Variants in DDAH1 observed in about 807,000 individuals in gnomAD.
The protein encoded by DDAH1 is dimethylarginine dimethylaminohydrolase 1, also known as N(G),N(G)-dimethylarginine dimethylaminohydrolase 1.
In DDAH1, 19 loss-of-function variants were observed where a neutral mutation model predicts 28.8. The observed-to-expected ratio is 0.66, with a 90% CI of 0.46 to 0.97. The LOEUF is 0.97. Among genes scored for constraint, DDAH1 ranks in the 50% least tolerant of loss-of-function variants. The probability of loss-of-function intolerance (pLI) is 0.00; values close to 1 mark genes in which losing one functional copy is unlikely to be tolerated. For synonymous variants in DDAH1, 153 were observed against 154.4 expected, an observed-to-expected ratio of 0.99 and a Z score of 0.07; for missense variants, 326 against 375.9, an observed-to-expected ratio of 0.87 and a Z score of 1.10.
intron 2 of DDAH1, among the ~76,000 whole-genome samples, chr1:85,355,085 G>T (rs1040988400): frequency 1.3e-5 from 2 of 152,096 alleles, no homozygotes; most frequent in Non-Finnish European, 2.9e-5. Flanking sequence ...AGCTATAGTT[G>T]CTGTGAAGCT....
At chr1:85,421,748 C>T (rs972110254) in intron 1 of DDAH1, among the ~76,000 whole-genome samples, 1 of 152,144 alleles carries the variant, frequency 6.6e-6, no homozygotes, top group Non-Finnish European at 1.5e-5. Flanking sequence ...ATTTAAGATT[C>T]ATCTGTGTCT....
chr1:85,427,336 T>G (rs1653454383), intron 1 of DDAH1, among the ~76,000 whole-genome samples: 1 of 151,730 alleles, frequency 6.6e-6, no homozygotes, highest in Non-Finnish European at 1.5e-5. Context: ...CATTCTGTAC[T>G]ACAGCATGTC....
At chr1:85,434,457 C>T (rs926334869) in intron 1 of DDAH1, among the ~76,000 whole-genome samples, 2 of 151,812 alleles carry the variant, frequency 1.3e-5, no homozygotes, top group African/African-American at 4.8e-5. Flanking sequence ...CTCTCTGTCA[C>T]CCAGGCTGGA....
rs568289061 is a variant in DDAH1, at chr1:85,346,685, T to C, written c.597+3730A>G. 4.9e-4 allele frequency among the ~76,000 whole-genome samples: 75 copies of C among 152,280 alleles called. 1 individual carries two copies. In the Middle Eastern group the frequency reaches 0.01, roughly 21 times the overall value. On this transcript the variant is annotated intron_variant, in intron 4 of 5. Transcript: ENST00000284031. Reference sequence around the variant, plus strand: ...CTTATAAGTGATATATTTGTCTCTATTCATCTGTCTTCCTGCCTGTCTATA... The same window carrying C: ...CTTATAAGTGATATATTTGTCTCTACTCATCTGTCTTCCTGCCTGTCTATA...
At chr1:85,394,056 T>C (rs1445362288) in intron 1 of DDAH1, among the ~76,000 whole-genome samples, 1 of 152,150 alleles carries the variant, frequency 6.6e-6, no homozygotes, top group Non-Finnish European at 1.5e-5. Context: ...AAAAAGTAAG[T>C]GACAAAATAT....
intron 1 of DDAH1, among the ~76,000 whole-genome samples, chr1:85,509,994 C>T (rs567504189): frequency 1.4e-4 from 22 of 152,216 alleles, no homozygotes; most frequent in African/African-American, 5.1e-4. Flanking sequence ...GAAAACACCA[C>T]AAAGATACTC....
intron 4 of DDAH1, among the ~76,000 whole-genome samples, chr1:85,341,093 T>C (rs12063854): frequency 0.011 from 1,677 of 152,366 alleles, 42 homozygotes; most frequent in African/African-American, 0.038. Context: ...TAGCCACTTA[T>C]GTTGTGTTGC....
intron 1 of DDAH1, among the ~76,000 whole-genome samples, chr1:85,418,291 T>G (rs187756910): frequency 6.6e-6 from 1 of 152,212 alleles, no homozygotes; most frequent in African/African-American, 2.4e-5. Context: ...CTCTCTACAA[T>G]GTAACAAGTG....
Position 85,464,878 on chromosome 1 carries a change from G to T in DDAH1, c.168C>A (p.Ser56Arg). 1.3e-6 allele frequency: 2 copies of T among 1,582,736 alleles called. No individual in the cohort carries two copies. The highest frequency in any genetic ancestry group is 8.5e-7 in the Non-Finnish European group (1 of 1,173,580). The change falls in exon 1 of 6, where the codon AGC (serine) becomes AGA (arginine). Residue 56 changes from serine (S) to arginine (R), a missense_variant. Ser to Arg is a moderately radical substitution (Grantham distance 110). Coordinates refer to ENST00000284031, the MANE Select transcript of DDAH1 (RefSeq NM_012137.4). This position sits in a 1 kb window ranked among gnomAD's most constrained non-coding sequence, Gnocchi z 4.4. ...QHQLYVGVLG[S>R]KLGLQVVELP... ...GCTCCACCACCTGCAGCCCCAGCTT[G>T]CTGCCCAGCACGCCCACGTAGAGCT...
chr1:85,525,737 G>A (rs1304153183), intron 1 of DDAH1, among the ~76,000 whole-genome samples: 1 of 152,080 alleles, frequency 6.6e-6, no homozygotes, highest in Non-Finnish European at 1.5e-5. Flanking sequence ...TCACCAATGT[G>A]AACTAGGGGT....
intron 1 of DDAH1, among the ~76,000 whole-genome samples, chr1:85,418,602 C>T (rs1652990070): frequency 6.6e-6 from 1 of 152,194 alleles, no homozygotes; most frequent in Admixed American, 6.5e-5. Context: ...CAGTTAAATG[C>T]TCGTTTGCAG....
rs943444258 is a variant in DDAH1 at position 85,420,089 on chromosome 1, T to TC, written c.303+44653dup. On this transcript the variant is annotated intron_variant, in intron 1 of 5. Coordinates refer to ENST00000284031, the MANE Select transcript of DDAH1 (RefSeq NM_012137.4). ...CCTCTGAGCTATGGCTAGATGGGGT[T>TC]CGACTGGGATGCAGGGAGCAGTGTC... is the stretch of plus-strand genomic sequence containing the variant. Among the ~76,000 whole-genome samples, 11 of 152,210 alleles carry TC rather than the reference T, an allele frequency of 7.2e-5. 1 individual carries two copies. The highest frequency in any genetic ancestry group is 2.6e-4 in the African/African-American group (11 of 41,534).
At chr1:85,528,386 C>A (rs2604085) in intron 1 of DDAH1, among the ~76,000 whole-genome samples, 2 of 152,038 alleles carry the variant, frequency 1.3e-5, no homozygotes, top group African/African-American at 4.8e-5. Context: ...CTTTACCAAG[C>A]CCTTTGCAAA....
chr1:85,442,877 A>AT (rs1245365407), intron 1 of DDAH1, among the ~76,000 whole-genome samples: 1 of 150,930 alleles, frequency 6.6e-6, no homozygotes, highest in African/African-American at 2.4e-5. Context: ...GATGGGGTTG[A>AT]TTTTTTTCTT....
chr1:85,427,076 G>A lies in DDAH1; in HGVS notation c.303+37667C>T, dbSNP rs190470236. 8.2e-3 allele frequency among the ~76,000 whole-genome samples: 1,252 copies of A among 152,186 alleles called. 12 individuals carry two copies. The highest frequency in any genetic ancestry group is 0.012 in the Non-Finnish European group (838 of 68,022). On this transcript the variant is annotated intron_variant, in intron 1 of 5. Transcript: ENST00000284031. ...CAAATAAGTCTCAGAAAAGTTAAGT[G>A]ACTTCCACAGGATCATAGTTAGTGC...
intron 1 of DDAH1, among the ~76,000 whole-genome samples, chr1:85,428,502 C>A (rs568644646): frequency 1.6e-4 from 24 of 152,278 alleles, no homozygotes; most frequent in African/African-American, 5.3e-4. Context: ...TGGTCCCTCC[C>A]ATGGCACGTG....
intron 1 of DDAH1, chr1:85,496,380 A>C: frequency 5.3e-6 from 1 of 188,490 alleles, no homozygotes; most frequent in Non-Finnish European, 9.9e-6. Context: ...AGAGAAGAGA[A>C]TTCATGAAAA....
Position 85,464,559 on chromosome 1 carries a change from T to C in DDAH1, c.303+184A>G. The C allele has an allele frequency of 6.6e-7, 1 of 1,526,586 alleles. No homozygotes were observed. Among genetic ancestry groups the C allele is most frequent in the Non-Finnish European group, 8.7e-7 (1 of 1,142,932 alleles). The allele number at this position is 1,526,586 out of a possible 1,614,324, so 94.6% of individuals were successfully genotyped here. On this transcript the variant is annotated intron_variant, in intron 1 of 5. Coordinates refer to ENST00000284031, the MANE Select transcript of DDAH1 (RefSeq NM_012137.4). The surrounding 1 kb of genome is among the most constrained non-coding windows in gnomAD (Gnocchi z 4.4). ...CAGAAGGCTGCCGGCAGCCGGGAGG[T>C]GTGAACAATGAACTTCTCTCTGACT...
intron 1 of DDAH1, among the ~76,000 whole-genome samples, chr1:85,375,917 C>T (rs561846921): frequency 3.9e-4 from 59 of 152,248 alleles, no homozygotes; most frequent in Non-Finnish European, 7.4e-4. Flanking sequence ...TTCATTTCCA[C>T]AATTTTCCAA....
Sources: allele counts gnomAD v4.1 joint callset (sites outside exome capture counted in the v4.1 genomes callset), GRCh38; gene constraint gnomAD v4.1.1; non-coding constraint Gnocchi (gnomAD v3.1); transcripts MANE v1.5; gene names NCBI Gene and HGNC (gene_info 2026-07-23, HGNC 2026-07-21).